The following VPS8 variants were observed in gnomAD, a reference collection of about 807,000 sequenced individuals.
VPS8 encodes the protein vacuolar protein sorting-associated protein 8 homolog.
Under a neutral mutation model 216.4 loss-of-function variants are expected in VPS8, and 129 were observed. That is an observed-to-expected ratio of 0.60 (90% CI 0.52 to 0.69). The LOEUF (loss-of-function observed/expected upper bound fraction) is 0.69, where lower values mean the gene tolerates loss of function less well. Ranked by LOEUF, VPS8 falls within the 30% of genes least tolerant of loss-of-function variation. The pLI is 0.00. For synonymous variants in VPS8, 571 were observed against 565.4 expected, an observed-to-expected ratio of 1.01 and a Z score of -0.14; for missense variants, 1,531 against 1,683.5, an observed-to-expected ratio of 0.91 and a Z score of 1.59.
At chr3:184,830,118 T>C (rs939433461) in intron 3 of VPS8, among the ~76,000 whole-genome samples, 1 of 152,186 alleles carries the variant, frequency 6.6e-6, no homozygotes, top group Non-Finnish European at 1.5e-5. Flanking sequence ...TCTAAAATCT[T>C]CATTGTTGTT....
At chr3:184,970,873 A>G (rs988761099) in intron 39 of VPS8, among the ~76,000 whole-genome samples, 2 of 152,196 alleles carry the variant, frequency 1.3e-5, no homozygotes, top group Non-Finnish European at 2.9e-5. Context: ...AAGCTCCACC[A>G]GGGTAAAAGT....
intron 25 of VPS8, among the ~76,000 whole-genome samples, chr3:184,904,640 C>T (rs1735154075): frequency 6.6e-6 from 1 of 152,146 alleles, no homozygotes; most frequent in South Asian, 2.1e-4. Flanking sequence ...TATTGTTCTA[C>T]AGTTTTGTTT....
At chr3:185,048,156 G>A (rs1047796738) in intron 46 of VPS8, among the ~76,000 whole-genome samples, 2 of 152,280 alleles carry the variant, frequency 1.3e-5, no homozygotes, top group South Asian at 4.1e-4. Flanking sequence ...ATGCAAGGCT[G>A]GAAGGAACTA....
At chr3:184,976,803 TTTATG>T (rs1749339751) in intron 40 of VPS8, among the ~76,000 whole-genome samples, 1 of 152,232 alleles carries the variant, frequency 6.6e-6, no homozygotes, top group African/African-American at 2.4e-5. Flanking sequence ...TTTCATTCTT[TTTATG>T]GCTGCATAGT....
chr3:184,864,928 TA>T (rs1727052585), intron 16 of VPS8, among the ~76,000 whole-genome samples: 1 of 152,140 alleles, frequency 6.6e-6, no homozygotes, highest in Non-Finnish European at 1.5e-5. Context: ...ACATAGTAGT[TA>T]TTATGACTAT....
At chr3:185,005,522 ATTTG>A (rs1384436643) in intron 45 of VPS8, among the ~76,000 whole-genome samples, 11 of 152,074 alleles carry the variant, frequency 7.2e-5, no homozygotes, top group Non-Finnish European at 1.3e-4. Flanking sequence ...ATGTATTTCC[ATTTG>A]TTTGTGTCAT....
At chr3:184,819,036 A>G (rs1716966615) in intron 1 of VPS8, among the ~76,000 whole-genome samples, 1 of 152,188 alleles carries the variant, frequency 6.6e-6, no homozygotes, top group African/African-American at 2.4e-5. Context: ...AACTTGGCGT[A>G]ATATAGGTCA....
rs148273056 is a variant in VPS8 at position 184,841,633 on chromosome 3, A to C, written c.536-1607A>C. 7.9e-5 allele frequency among the ~76,000 whole-genome samples: 12 copies of C among 152,302 alleles called. No homozygotes were observed. The East Asian group carries it at 2.3e-3, about 29-fold the overall frequency. On this transcript the variant is annotated intron_variant, in intron 7 of 47. Coordinates refer to ENST00000625842, the MANE Select transcript of VPS8 (RefSeq NM_001009921.3). ...AAGGACTTTTGATATGTATCATCTA[A>C]TGGCCCCCTAGAAAAGTTCTGTCAG...
chr3:184,914,998 G>T lies in VPS8; in HGVS notation c.2207G>T (p.Arg736Leu). The change falls in exon 27 of 48, where the codon CGT (arginine) becomes CTT (leucine). Residue 736 changes from arginine to leucine, a missense_variant. Coordinates refer to ENST00000625842, the MANE Select transcript of VPS8 (RefSeq NM_001009921.3). ...TCTTCTAGCTGTTGTCTAGCAGGTC[G>T]TGCCTATCCCCTTGGTGACATCCCT... ...LVYISCCLAG[R>L]AYPLGDIPED... is the part of the protein sequence containing the mutation. The T allele has an allele frequency of 6.2e-7, 1 of 1,613,966 alleles. No individual in the cohort carries two copies. Among genetic ancestry groups the T allele is most frequent in the Non-Finnish European group, 8.5e-7 (1 of 1,179,848 alleles).
chr3:184,834,732 T>C lies in VPS8; in HGVS notation c.437T>C (p.Val146Ala). Residue 146 changes from valine (V) to alanine (A), a missense_variant, in exon 5 of 48, where the codon GTG (valine) becomes GCG (alanine). By Grantham distance (64) the Val-to-Ala change is moderately conservative. Around this residue, in one of 3 missense-constraint regions of VPS8, gnomAD observed 199 missense variants for 182.2 expected, o/e 1.09. Coordinates refer to ENST00000625842, the MANE Select transcript of VPS8 (RefSeq NM_001009921.3). ...SLLKGISAQI[V>A]SAADKVDAGL... ...TTGAAGGGAATTTCTGCCCAGATAG[T>C]GTCTGCAGCTGTAAGTATTTTGTTC... 6.4e-7 allele frequency: 1 copy of C among 1,558,712 alleles called. No individual in the cohort carries two copies. The highest frequency in any genetic ancestry group is 1.7e-4 in the Middle Eastern group (1 of 6,000).
chr3:185,002,636 A>G (rs1753571836), intron 45 of VPS8, among the ~76,000 whole-genome samples: 1 of 152,068 alleles, frequency 6.6e-6, no homozygotes, highest in Non-Finnish European at 1.5e-5. Flanking sequence ...CCCAAAGTCC[A>G]TTATTTCATT....
intron 24 of VPS8, 127 bp downstream of exon 24, chr3:184,898,781 C>A: frequency 1.4e-6 from 1 of 710,344 alleles, no homozygotes; most frequent in Non-Finnish European, 2.2e-6. Flanking sequence ...TATTTATTGA[C>A]CTTGAACCCA....
At chr3:184,880,314 T>C (rs1473589338) in intron 21 of VPS8, among the ~76,000 whole-genome samples, 1 of 152,168 alleles carries the variant, frequency 6.6e-6, no homozygotes, top group Non-Finnish European at 1.5e-5. Context: ...CCACTTCTCT[T>C]CTGCTCCCAC....
At chr3:184,918,775 G>C (rs1213125783) in intron 28 of VPS8, among the ~76,000 whole-genome samples, 2 of 152,184 alleles carry the variant, frequency 1.3e-5, no homozygotes, top group Non-Finnish European at 2.9e-5. Flanking sequence ...TGTACCTGCA[G>C]AGTATCATCT....
chr3:184,996,425 A>G lies in VPS8; in HGVS notation c.3760A>G (p.Lys1254Glu). The G allele has an allele frequency of 1.9e-6, 3 of 1,613,960 alleles. No individual in the cohort carries two copies. Among genetic ancestry groups the G allele is most frequent in the Non-Finnish European group, 2.5e-6 (3 of 1,179,858 alleles). Residue 1254 changes from lysine (K) to glutamate (E), a missense_variant, in exon 44 of 48, where the codon AAA becomes GAA. Lys to Glu is a moderately conservative substitution (Grantham distance 56, BLOSUM62 1). Around this residue, in one of 3 missense-constraint regions of VPS8, gnomAD observed 1,318 missense variants for 1,468.4 expected, o/e 0.90. Coordinates refer to ENST00000625842, the MANE Select transcript of VPS8 (RefSeq NM_001009921.3). ...TTCGGTCACCAGAGGACTGAATCCC[A>G]AACAAGATTACTGCTCTATATGTTT... ...RASVTRGLNP[K>E]QDYCSICLQQ...
Position 184,854,132 on chromosome 3 carries a change from A to C in VPS8, c.994A>C (p.Lys332Gln). ...CTTACAGATACTGGTCATTGGATTG[A>C]AACCATCCTTGAAAGTATGGATGAC... is the stretch of plus-strand genomic sequence containing the variant. ...SLTKILVIGLKPSLKVWMTFP... is the reference protein window; with the variant it reads ...SLTKILVIGLQPSLKVWMTFP... The change falls in exon 13 of 48, where the codon AAA (lysine) becomes CAA (glutamine). Residue 332 changes from lysine to glutamine, a missense_variant. Coordinates refer to ENST00000625842, the MANE Select transcript of VPS8 (RefSeq NM_001009921.3). The C allele has an allele frequency of 6.2e-7, 1 of 1,613,822 alleles. No individual in the cohort carries two copies. The highest frequency in any genetic ancestry group is 8.5e-7 in the Non-Finnish European group (1 of 1,179,764).
At chr3:185,035,418 C>A (rs1758749043) in intron 46 of VPS8, among the ~76,000 whole-genome samples, 1 of 152,116 alleles carries the variant, frequency 6.6e-6, no homozygotes, top group African/African-American at 2.4e-5. Context: ...CCACAATCAG[C>A]TGGGCATTAT....
Position 184,826,484 on chromosome 3 carries a change from A to G in VPS8, c.222+253A>G, listed in dbSNP as rs1010323085. The stretch of plus-strand genomic sequence containing the variant: ...TATATGGCTAGGGGACAGCATAGAT[A>G]AAGAGTATTTCCGTCATCACAGAAA... On this transcript the variant is annotated intron_variant, in intron 3 of 47. Coordinates refer to ENST00000625842, the MANE Select transcript of VPS8 (RefSeq NM_001009921.3). Among the ~76,000 whole-genome samples, 6 of 152,248 alleles carry G rather than the reference A, an allele frequency of 3.9e-5. 2 individuals carry two copies. In the South Asian group the frequency reaches 1.0e-3, roughly 26 times the overall value.
At chr3:184,921,662 C>T (rs1198773045) in intron 29 of VPS8, among the ~76,000 whole-genome samples, 1 of 152,046 alleles carries the variant, frequency 6.6e-6, no homozygotes, top group East Asian at 1.9e-4. Flanking sequence ...CTCCTGGGTT[C>T]AAGCAATTCT....
Sources: allele counts gnomAD v4.1 joint callset (sites outside exome capture counted in the v4.1 genomes callset), GRCh38; gene constraint gnomAD v4.1.1; regional missense constraint gnomAD v4.1.1; transcripts MANE v1.5; gene names NCBI Gene and HGNC (gene_info 2026-07-23, HGNC 2026-07-21).